Variants in AFDN observed in about 807,000 individuals in gnomAD.
AFDN encodes the protein afadin, adherens junction formation factor.
AFDN carries 68 observed loss-of-function variants against 216.6 expected under a neutral mutation model. The observed-to-expected ratio is 0.31, with a 90% confidence interval of 0.26 to 0.38. The LOEUF is 0.38. Ranked by LOEUF, AFDN falls within the 10% of genes least tolerant of loss-of-function variation. The probability of loss-of-function intolerance (pLI) is 1.00; values close to 1 mark genes in which losing one functional copy is unlikely to be tolerated. For missense variants in AFDN, 2,136 were observed against 2,342.0 expected (o/e 0.91, Z 1.82); for synonymous variants, 868 against 853.7 (o/e 1.02, Z -0.29).
Position 167,969,262 on chromosome 6 carries a change from G to A in AFDN, c.5342+64G>A, listed in dbSNP as rs138248567. On this transcript the variant is annotated intron_variant, in intron 33 of 33. Coordinates refer to ENST00000683244, the MANE Select transcript of AFDN (RefSeq NM_001386888.1). ...CCTGATGAGCCCTTTCACTCTTCAC[G>A]ACACCTTGAGATTATGTAAACAGAC... 2.0e-4 allele frequency: 237 copies of A among 1,215,056 alleles called. No individual in the cohort carries two copies. In the African/African-American group the frequency reaches 2.6e-3, roughly 13 times the overall value. The allele number at this position is 1,215,056 out of a possible 1,614,324, so 75.3% of individuals were successfully genotyped here.
At position 167,943,928 on chromosome 6, in the gene AFDN, C is replaced by CTTCT. The variant is rs1794981836; in HGVS notation, c.3240-11_3240-8dup. The CTTCT allele has an allele frequency of 6.2e-7, 1 of 1,611,238 alleles. No homozygotes were observed. The highest frequency in any genetic ancestry group is 1.3e-5 in the African/African-American group (1 of 74,366). On this transcript the variant is annotated splice_polypyrimidine_tract_variant and intron_variant, in intron 25 of 33. Coordinates refer to ENST00000683244, the MANE Select transcript of AFDN (RefSeq NM_001386888.1). The stretch of plus-strand genomic sequence containing the variant: ...TTTTAGTCTTTCTTACATGTGTAAT[C>CTTCT]TTCTTCTCCTAGGGCGGCAGAACTC...
chr6:167,931,490 A>G (rs1793297459), intron 23 of AFDN, among the ~76,000 whole-genome samples: 2 of 152,152 alleles, frequency 1.3e-5, no homozygotes, highest in Non-Finnish European at 2.9e-5. Context: ...TGGCCTGTTA[A>G]TTGGACAGTG....
At chr6:167,923,943 CTT>C (rs1017278768) in intron 22 of AFDN, among the ~76,000 whole-genome samples, 1 of 152,050 alleles carries the variant, frequency 6.6e-6, no homozygotes, top group African/African-American at 2.4e-5. Context: ...TTTTTATTGA[CTT>C]TACTAACTGC....
At position 167,872,230 on chromosome 6, in the gene AFDN, G is replaced by T; in HGVS notation, c.431G>T (p.Gly144Val). 1 of 1,611,472 alleles carries T rather than the reference G, an allele frequency of 6.2e-7. No homozygotes were observed. The highest frequency in any genetic ancestry group is 1.1e-5 in the South Asian group (1 of 90,422). Residue 144 changes from glycine to valine, a missense_variant, in exon 4 of 34, where the codon GGA becomes GTA. Physicochemically the swap from Gly to Val is moderately radical, Grantham distance 109 (BLOSUM62 -3). This residue lies in a region of AFDN where 817 missense variants were observed against 965.7 expected (regional missense o/e 0.85). Coordinates refer to ENST00000683244, the MANE Select transcript of AFDN (RefSeq NM_001386888.1). ...AIPPKKAQSN[G>V]PEKQEKEGVI... is the part of the protein sequence containing the mutation. ...TTTCATCAGAAGGCTCAAAGTAATG[G>T]ACCTGAAAAGCAGGAAAAAGAAGGG...
intron 22 of AFDN, among the ~76,000 whole-genome samples, chr6:167,923,620 C>CTTTTTTTTTTTTTTTTTTTTTTTTTTTTT (rs35743665): frequency 8.9e-6 from 1 of 111,968 alleles, no homozygotes. Context: ...TACCCTAATA[C>CTTTTTTTTTTTTTTTTTTTTTTTTTTTTT]TTTTTTTTTT....
rs147000684 is a variant in AFDN, at chr6:167,883,267, C to T, written c.897+2750C>T. Among the ~76,000 whole-genome samples the T allele has an allele frequency of 4.1e-3, 618 of 152,142 alleles. 5 individuals are homozygous for T. Among genetic ancestry groups the T allele is most frequent in the Middle Eastern group, 0.024 (7 of 294 alleles). On this transcript the variant is annotated intron_variant, in intron 6 of 33. Coordinates refer to ENST00000683244, the MANE Select transcript of AFDN (RefSeq NM_001386888.1). ...AATGTCCAAGACTGAAGGTAAATAG[C>T]AATAAGGACACATTGTTTAGAAATA...
chr6:167,882,601 C>T (rs186424313), intron 6 of AFDN, among the ~76,000 whole-genome samples: 3 of 152,188 alleles, frequency 2.0e-5, no homozygotes, highest in East Asian at 1.9e-4. Flanking sequence ...GCCTTGATCT[C>T]GCCATTGCAT....
At chr6:167,866,940 A>G (rs1234998938) in intron 2 of AFDN, among the ~76,000 whole-genome samples, 1 of 152,248 alleles carries the variant, frequency 6.6e-6, no homozygotes, top group Admixed American at 6.5e-5. Context: ...TTCAGCCACC[A>G]GGGAAGCTCT....
In AFDN at chr6:167,827,035, C is replaced by T. The variant is rs1304527921; in HGVS notation, c.-98C>T. The T allele has an allele frequency of 3.7e-5, 16 of 429,396 alleles. No homozygotes were observed. In the South Asian group the frequency reaches 1.1e-3, roughly 29 times the overall value. 26.6% of individuals were successfully genotyped at this position (429,396 alleles called of 1,614,324 possible). A position where few individuals can be genotyped will look rare whatever the true frequency, so the allele number is the denominator to read the frequency against. ...CAGCCGCGGAGGCGGAGGCGGCCGG[C>T]GGGGGGTGGCGAGGGGCGCCGGGCC... On this transcript the variant is annotated 5_prime_UTR_variant, in exon 1 of 34. Coordinates refer to ENST00000683244, the MANE Select transcript of AFDN (RefSeq NM_001386888.1).
At chr6:167,831,024 C>T (rs982376465) in intron 1 of AFDN, among the ~76,000 whole-genome samples, 3 of 137,226 alleles carry the variant, frequency 2.2e-5, no homozygotes, top group East Asian at 2.6e-4. Flanking sequence ...TCATTACAAC[C>T]TCTACCTTCC....
rs376696509 is a variant in AFDN, at chr6:167,914,722, G to T, written c.2283G>T (p.Leu761=). The T allele has an allele frequency of 3.1e-6, 5 of 1,610,418 alleles. No individual in the cohort carries two copies. Among genetic ancestry groups the T allele is most frequent in the African/African-American group, 2.7e-5 (2 of 74,846 alleles). ...TAGATGACCCTGAAGAGAACAGTCT[G>T]CAACGACCAAAAATAGGTTAGGATG... ...AFLDDPEENS[L]QRPKIDDVLH... The change falls in exon 18 of 34, where the codon CTG becomes CTT. Residue 761 remains leucine (L), a synonymous_variant. Coordinates refer to ENST00000683244, the MANE Select transcript of AFDN (RefSeq NM_001386888.1).
chr6:167,946,928 A>T, intron 27 of AFDN, 27 bp downstream of exon 27: 1 of 1,588,936 alleles, frequency 6.3e-7, no homozygotes. Context: ...TTTGCTTCCT[A>T]AGTACACTTG....
chr6:167,899,904 G>A (rs1788733428), intron 11 of AFDN, among the ~76,000 whole-genome samples: 1 of 152,298 alleles, frequency 6.6e-6, no homozygotes, highest in East Asian at 1.9e-4. Context: ...TCTAGTAGCA[G>A]CCTGTGTCCC....
At chr6:167,884,357 T>C (rs1204247060) in intron 6 of AFDN, among the ~76,000 whole-genome samples, 6 of 152,220 alleles carry the variant, frequency 3.9e-5, no homozygotes, top group Non-Finnish European at 7.3e-5. Flanking sequence ...GTGAATACTT[T>C]CCAGGTTTTC....
At chr6:167,915,038 A>G in intron 18 of AFDN, 130 bp from the exon 19 acceptor site, 1 of 911,990 alleles carries the variant, frequency 1.1e-6, no homozygotes, top group Non-Finnish European at 1.7e-6. Flanking sequence ...CTTGGAATGA[A>G]GTTGATATTT....
chr6:167,952,021 G>T lies in AFDN; in HGVS notation c.4667G>T (p.Arg1556Leu). 6.2e-7 allele frequency: 1 copy of T among 1,614,170 alleles called. No individual in the cohort carries two copies. Among genetic ancestry groups the T allele is most frequent in the Non-Finnish European group, 8.5e-7 (1 of 1,180,020 alleles). ...EIQELQSKPDRSAEESDRLRK... is the reference protein window; with the variant it reads ...EIQELQSKPDLSAEESDRLRK... ...CAGGAGCTCCAGAGCAAACCGGACC[G>T]CAGCGCCGAGGAGAGCGACCGGCTG... The change falls in exon 30 of 34, where the codon CGC (arginine) becomes CTC (leucine). Residue 1556 changes from arginine (R) to leucine (L), a missense_variant. Physicochemically the swap from Arg to Leu is moderately radical, Grantham distance 102 (BLOSUM62 -2). Around this residue, in one of 8 missense-constraint regions of AFDN, gnomAD observed 981 missense variants for 966.0 expected, o/e 1.02. Transcript: ENST00000683244.
At chr6:167,826,676 G>C (rs1779079947), upstream of AFDN, 2 of 464,970 alleles carry the variant, frequency 4.3e-6, no homozygotes. Flanking sequence ...GGTCGGGAAG[G>C]AACCCGGTAC....
rs765967945 is a variant in AFDN at position 167,943,448 on chromosome 6, G to A, written c.3212G>A (p.Arg1071Gln). ...GATCAGCTCCTCAGTGTGGATGGAC[G>A]AAGTCTGGTTGGACTCTCTCAGGAA... is the stretch of plus-strand genomic sequence containing the variant. Reference protein sequence around the residue: ...AGDQLLSVDGRSLVGLSQERA... With the variant: ...AGDQLLSVDGQSLVGLSQERA... The change falls in exon 25 of 34, where the codon CGA becomes CAA. Residue 1071 changes from arginine (R) to glutamine (Q), a missense_variant. By Grantham distance (43) the Arg-to-Gln change is conservative. Transcript: ENST00000683244. 28 of 1,613,980 alleles carry A rather than the reference G, an allele frequency of 1.7e-5. No individual in the cohort carries two copies. The highest frequency in any genetic ancestry group is 4.0e-5 in the African/African-American group (3 of 74,910).
Position 167,941,742 on chromosome 6 carries a change from GAT to G in AFDN, c.3100-1386_3100-1385del, listed in dbSNP as rs1562713275. ...GAGGGTGGAAACCATCCACAGGAGA[GAT>G]GTGTGGATAGACACAGAGGGATGTA... On this transcript the variant is annotated intron_variant, in intron 23 of 33. Coordinates refer to ENST00000683244, the MANE Select transcript of AFDN (RefSeq NM_001386888.1). 2.9e-4 allele frequency among the ~76,000 whole-genome samples: 25 copies of G among 86,426 alleles called. 1 individual carries two copies. Among genetic ancestry groups the G allele is most frequent in the South Asian group, 5.7e-4 (1 of 1,746 alleles). The allele number at this position is 86,426 out of a possible 152,430, so 56.7% of individuals were successfully genotyped here.
Sources: gnomAD v4.1 joint callset for allele counts (sites outside exome capture counted in the v4.1 genomes callset) on GRCh38, gnomAD v4.1.1 for gene constraint, gnomAD v4.1.1 regional missense constraint, MANE v1.5 for transcripts, NCBI Gene and HGNC (gene_info 2026-07-23, HGNC 2026-07-21) for gene names.